BCAS3: variants seen among roughly 807,000 people sequenced by gnomAD.
The protein encoded by BCAS3 is BCAS3 microtubule associated cell migration factor.
In BCAS3, 53 loss-of-function variants were observed where a neutral mutation model predicts 116.1. The ratio of observed to expected loss-of-function variants is 0.46; its 90% CI spans 0.37 to 0.57. The LOEUF is 0.57. Ranked by LOEUF, BCAS3 falls within the 20% of genes least tolerant of loss-of-function variation. The probability of loss-of-function intolerance (pLI) is 0.00; values close to 1 mark genes in which losing one functional copy is unlikely to be tolerated. For missense variants in BCAS3, 917 were observed against 1,165.4 expected (o/e 0.79, Z 3.10); for synonymous variants, 391 against 408.2 (o/e 0.96, Z 0.51).
rs924563619 is a variant in BCAS3, at chr17:61,279,205, C to T, written c.2426-89122C>T. The stretch of plus-strand genomic sequence containing the variant: ...CAAGTGATCCGCCCACCTCGGCCTC[C>T]CAAAGTGTTGGGATTACAGGCATGA... On this transcript the variant is annotated intron_variant, in intron 22 of 23. Coordinates refer to ENST00000407086, the MANE Select transcript of BCAS3 (RefSeq NM_017679.5). This position sits in a 1 kb window ranked among gnomAD's most constrained non-coding sequence, Gnocchi z 4.4. 1.6e-4 allele frequency among the ~76,000 whole-genome samples: 25 copies of T among 152,054 alleles called. No individual in the cohort carries two copies. Among genetic ancestry groups the T allele is most frequent in the African/African-American group, 6.0e-4 (25 of 41,408 alleles).
rs1241847950 is a variant in BCAS3, at chr17:61,315,540, G to T, written c.2426-52787G>T. ...TAGAGCAAAGAAGCCCATGGAAGAGGTTGCACAGCGTCGCTGGTTAATGGC... is the reference window on the plus strand; with the variant it reads ...TAGAGCAAAGAAGCCCATGGAAGAGTTTGCACAGCGTCGCTGGTTAATGGC... On this transcript the variant is annotated intron_variant, in intron 22 of 23. Transcript: ENST00000407086. This position sits in a 1 kb window ranked among gnomAD's most constrained non-coding sequence, Gnocchi z 5.3. Among the ~76,000 whole-genome samples, 1 of 152,204 alleles carries T rather than the reference G, an allele frequency of 6.6e-6. No homozygotes were observed. Among genetic ancestry groups the T allele is most frequent in the Non-Finnish European group, 1.5e-5 (1 of 68,036 alleles).
rs1158109128 is a variant in BCAS3, at chr17:61,026,937, C to T, written c.1638-7729C>T. 5.0e-6 allele frequency: 8 copies of T among 1,588,262 alleles called. No individual in the cohort carries two copies. The highest frequency in any genetic ancestry group is 1.7e-5 in the Admixed American group (1 of 57,414). On this transcript the variant is annotated intron_variant, in intron 16 of 23. Coordinates refer to ENST00000407086, the MANE Select transcript of BCAS3 (RefSeq NM_017679.5). This position sits in a 1 kb window ranked among gnomAD's most constrained non-coding sequence, Gnocchi z 5.0. ...TGAGTTCCAGTTCAGTCCCGCATGCCTCATTCATTTGCTGTACTCTCAAAA... is the reference window on the plus strand; with the variant it reads ...TGAGTTCCAGTTCAGTCCCGCATGCTTCATTCATTTGCTGTACTCTCAAAA...
chr17:60,742,426 C>CTTTTTTTTTTTT (rs1173664552), intron 5 of BCAS3, among the ~76,000 whole-genome samples: 1 of 103,450 alleles, frequency 9.7e-6, no homozygotes, highest in Non-Finnish European at 1.9e-5. Context: ...TCCTTGACAT[C>CTTTTTTTTTTTT]TTTTTTTTTT....
rs60050974 is a variant in BCAS3 at position 60,928,401 on chromosome 17, A to G, written c.1087+3901A>G. Reference sequence around the variant, plus strand: ...GTACATTTGAAATAGATTGTGAACCATAGTCTGTATAGTGGACTCATTAGT... The same window carrying G: ...GTACATTTGAAATAGATTGTGAACCGTAGTCTGTATAGTGGACTCATTAGT... On this transcript the variant is annotated intron_variant, in intron 13 of 23. Coordinates refer to ENST00000407086, the MANE Select transcript of BCAS3 (RefSeq NM_017679.5). Among the ~76,000 whole-genome samples the G allele has an allele frequency of 4.2e-3, 639 of 152,340 alleles. 4 individuals carry two copies. The highest frequency in any genetic ancestry group is 0.015 in the African/African-American group (612 of 41,582).
At chr17:60,889,259 T>G (rs917676575) in intron 9 of BCAS3, among the ~76,000 whole-genome samples, 2 of 152,222 alleles carry the variant, frequency 1.3e-5, no homozygotes, top group Non-Finnish European at 2.9e-5. Context: ...TCTTTTTCTC[T>G]CCTCATTGTA....
chr17:60,761,166 G>A (rs909565489), intron 6 of BCAS3, among the ~76,000 whole-genome samples: 8 of 151,684 alleles, frequency 5.3e-5, no homozygotes, highest in African/African-American at 1.7e-4. Context: ...GTATCTCATT[G>A]AGCTTCTTTA....
At chr17:60,865,802 G>A (rs2054547041) in intron 7 of BCAS3, among the ~76,000 whole-genome samples, 1 of 152,154 alleles carries the variant, frequency 6.6e-6, no homozygotes, top group South Asian at 2.1e-4. Flanking sequence ...ATGTTGAGTA[G>A]AAGTGATAAA....
chr17:61,388,547 G>T lies in BCAS3; in HGVS notation c.2594-3430G>T. Reference sequence around the variant, plus strand: ...TGACACCTCTCCACCTGCTTGCAGAGATCAGTGTACTTCTCAATCGTTGTC... The same window carrying T: ...TGACACCTCTCCACCTGCTTGCAGATATCAGTGTACTTCTCAATCGTTGTC... On this transcript the variant is annotated intron_variant, in intron 23 of 23. Coordinates refer to ENST00000407086, the MANE Select transcript of BCAS3 (RefSeq NM_017679.5). The surrounding 1 kb of genome is among the most constrained non-coding windows in gnomAD (Gnocchi z 6.5). 7.0e-7 allele frequency: 1 copy of T among 1,432,902 alleles called. No individual in the cohort carries two copies. Among genetic ancestry groups the T allele is most frequent in the South Asian group, 1.3e-5 (1 of 79,228 alleles). 88.8% of individuals were successfully genotyped at this position (1,432,902 alleles called of 1,614,324 possible).
intron 18 of BCAS3, among the ~76,000 whole-genome samples, chr17:61,038,907 C>CGCCTTG (rs2067281345): frequency 6.6e-6 from 1 of 152,074 alleles, no homozygotes; most frequent in African/African-American, 2.4e-5. Context: ...GTGATCCACT[C>CGCCTTG]GCCTTGGCCT....
rs1385929404 is a variant in BCAS3, at chr17:61,131,046, ACT to A, written c.2425+46485_2425+46486del. 6.6e-6 allele frequency among the ~76,000 whole-genome samples: 1 copy of A among 151,572 alleles called. No homozygotes were observed. The highest frequency in any genetic ancestry group is 1.5e-5 in the Non-Finnish European group (1 of 67,902). On this transcript the variant is annotated intron_variant, in intron 22 of 23. Coordinates refer to ENST00000407086, the MANE Select transcript of BCAS3 (RefSeq NM_017679.5). This position sits in a 1 kb window ranked among gnomAD's most constrained non-coding sequence, Gnocchi z 4.4. ...ACTCCAGTCTGGCAGACAAAGCAAG[ACT>A]CTGTCTCAAAAAGGGGGAAAAAAAA...
At chr17:60,746,387 A>C (rs1218588867) in intron 5 of BCAS3, among the ~76,000 whole-genome samples, 1 of 152,116 alleles carries the variant, frequency 6.6e-6, no homozygotes, top group Admixed American at 6.6e-5. Flanking sequence ...TTGTTTTCAC[A>C]CTCAACACAT....
At chr17:60,733,705 G>T (rs998826881) in intron 5 of BCAS3, among the ~76,000 whole-genome samples, 5 of 151,974 alleles carry the variant, frequency 3.3e-5, no homozygotes, top group African/African-American at 4.8e-5. Flanking sequence ...AAGTTAGCTG[G>T]GCATGGTGGC....
chr17:60,925,083 A>G (rs930927036), intron 13 of BCAS3, among the ~76,000 whole-genome samples: 1 of 151,610 alleles, frequency 6.6e-6, no homozygotes, highest in African/African-American at 2.4e-5. Flanking sequence ...TTTTTATTTT[A>G]CTATTTTTTT....
intron 5 of BCAS3, among the ~76,000 whole-genome samples, chr17:60,709,711 A>G (rs2037622885): frequency 6.6e-6 from 1 of 151,838 alleles, no homozygotes; most frequent in African/African-American, 2.4e-5. Flanking sequence ...TCTTTATAGG[A>G]TAAATTCCTT....
chr17:61,373,804 C>CTTTTTTTTT lies in BCAS3; in HGVS notation c.2593+5313_2593+5314insTTTTTTTTT, dbSNP rs201141656. On this transcript the variant is annotated intron_variant, in intron 23 of 23. Transcript: ENST00000407086. ...TTGCTGCTGTTAACTTCTTCTTCTT[C>CTTTTTTTTT]TTTGTTTTTTTTTTTTTTTTTTTTG... Among the ~76,000 whole-genome samples the CTTTTTTTTT allele has an allele frequency of 1.2e-3, 93 of 76,120 alleles. 1 individual carries two copies. Among genetic ancestry groups the CTTTTTTTTT allele is most frequent in the Non-Finnish European group, 2.0e-3 (74 of 36,682 alleles). The allele number at this position is 76,120 out of a possible 152,430, so 49.9% of individuals were successfully genotyped here.
Position 60,726,053 on chromosome 17 carries a change from A to C in BCAS3, c.321+16728A>C, listed in dbSNP as rs890019873. On this transcript the variant is annotated intron_variant, in intron 5 of 23. Coordinates refer to ENST00000407086, the MANE Select transcript of BCAS3 (RefSeq NM_017679.5). ...TGGGATTACAGGCATGCACCACCAC[A>C]CTTGGCTAATTTTGTACTTTTAGTG... Among the ~76,000 whole-genome samples, 14 of 127,380 alleles carry C rather than the reference A, an allele frequency of 1.1e-4. No homozygotes were observed. In the South Asian group the frequency reaches 2.3e-3, roughly 21 times the overall value. 83.6% of individuals were successfully genotyped at this position (127,380 alleles called of 152,430 possible).
At position 61,348,258 on chromosome 17, in the gene BCAS3, AG is replaced by A. The variant is rs986845482; in HGVS notation, c.2426-20066del. On this transcript the variant is annotated intron_variant, in intron 22 of 23. Coordinates refer to ENST00000407086, the MANE Select transcript of BCAS3 (RefSeq NM_017679.5). The surrounding 1 kb of genome is among the most constrained non-coding windows in gnomAD (Gnocchi z 4.5). ...AGATGGTGTTGCCACCCACCTAAGT[AG>A]GGATAGAGAAGGAAGAGCAAGGGCT... 4.6e-5 allele frequency among the ~76,000 whole-genome samples: 7 copies of A among 152,166 alleles called. No homozygotes were observed. The highest frequency in any genetic ancestry group is 1.7e-4 in the African/African-American group (7 of 41,444).
intron 10 of BCAS3, among the ~76,000 whole-genome samples, chr17:60,900,736 G>A (rs1002389951): frequency 2.6e-5 from 4 of 151,550 alleles, no homozygotes; most frequent in African/African-American, 9.7e-5. Context: ...ATATTTCCTG[G>A]AAATTAGTTC....
At chr17:61,308,406 G>A (rs1049629660) in intron 22 of BCAS3, among the ~76,000 whole-genome samples, 1 of 130,528 alleles carries the variant, frequency 7.7e-6, no homozygotes, top group Admixed American at 9.7e-5. Context: ...CTAGTGTTCA[G>A]TGAATTTCTG....
Sources: allele counts gnomAD v4.1 joint callset (sites outside exome capture counted in the v4.1 genomes callset), GRCh38; gene constraint gnomAD v4.1.1; non-coding constraint Gnocchi (gnomAD v3.1); transcripts MANE v1.5; gene names NCBI Gene and HGNC (gene_info 2026-07-23, HGNC 2026-07-21).